The following TBC1D20 variants were observed in gnomAD, a reference collection of about 807,000 sequenced individuals.
The protein encoded by TBC1D20 is chromosome 20 open reading frame 140.
A neutral mutation model predicts 41.6 loss-of-function variants in TBC1D20; 12 were observed. That is an observed-to-expected ratio of 0.29 (90% confidence interval 0.18 to 0.47). The LOEUF is 0.47. Among genes scored for constraint, TBC1D20 ranks in the 20% least tolerant of loss-of-function variants. TBC1D20 has a pLI of 1.00. For synonymous variants in TBC1D20, 205 were observed against 204.8 expected (o/e 1.00, Z -0.01); for missense variants, 421 against 517.4 (o/e 0.81, Z 1.81).
intron 2 of TBC1D20, among the ~76,000 whole-genome samples, chr20:446,943 A>AGTTTTTTT (rs1491315984): frequency 4.0e-5 from 3 of 75,890 alleles, no homozygotes; most frequent in Non-Finnish European, 2.4e-5. Flanking sequence ...CAAAATACGC[A>AGTTTTTTT]TTTTTTTTTT....
rs200262445 is a variant in TBC1D20, at chr20:438,761, C to T, written c.1037G>A (p.Arg346Gln). The T allele has an allele frequency of 3.8e-5, 62 of 1,614,226 alleles. No individual in the cohort carries two copies. In the East Asian group the frequency reaches 6.0e-4, roughly 16 times the overall value. ...RPDMVLRQRF[R>Q]GLLRPEDRTK... ...TCGATCTTCAGGCCGCAGAAGTCCC[C>T]GAAACCGCTGCCGCAGCACCATATC... The change falls in exon 8 of 8, where the codon CGG (arginine) becomes CAG (glutamine). Residue 346 changes from arginine (R) to glutamine (Q), a missense_variant. Transcript: ENST00000354200.
intron 5 of TBC1D20, chr20:440,613 G>T: frequency 2.0e-6 from 1 of 499,990 alleles, no homozygotes; most frequent in Non-Finnish European, 3.4e-6. Context: ...TTATCTCACT[G>T]GGTGCTCGCC....
intron 1 of TBC1D20, among the ~76,000 whole-genome samples, chr20:460,680 G>A (rs1452926857): frequency 6.6e-6 from 1 of 152,150 alleles, no homozygotes; most frequent in Admixed American, 6.6e-5. Flanking sequence ...GAAAAAAACA[G>A]TCTAGTAAGT....
At chr20:461,917 G>A (rs990868330) in intron 1 of TBC1D20, among the ~76,000 whole-genome samples, 4 of 152,264 alleles carry the variant, frequency 2.6e-5, no homozygotes, top group African/African-American at 4.8e-5. Context: ...AATCAAGCCG[G>A]CGACGGTGAA....
At chr20:461,612 A>G (rs142180680) in intron 1 of TBC1D20, among the ~76,000 whole-genome samples, 216 of 152,184 alleles carry the variant, frequency 1.4e-3, no homozygotes, top group African/African-American at 4.9e-3. Flanking sequence ...TCCTCCAACC[A>G]TGGCCTCCCA....
At position 448,038 on chromosome 20, in the gene TBC1D20, ATC is replaced by A. The variant is rs2017369628; in HGVS notation, c.105_106del (p.Glu35AspfsTer8). The stretch of plus-strand genomic sequence containing the variant: ...GGGATCACTGTTCAGAGCCTGGTGT[ATC>A]TCTGCCACTTTCTTTTTCCTTTTGG... On this transcript the variant is annotated frameshift_variant, in exon 2 of 8. Transcript: ENST00000354200. LOFTEE classifies it high-confidence loss of function. 3.1e-6 allele frequency: 5 copies of A among 1,613,852 alleles called. No homozygotes were observed. The highest frequency in any genetic ancestry group is 4.2e-6 in the Non-Finnish European group (5 of 1,179,774).
intron 1 of TBC1D20, among the ~76,000 whole-genome samples, chr20:455,687 C>T (rs937293866): frequency 2.0e-5 from 3 of 151,284 alleles, no homozygotes; most frequent in South Asian, 4.2e-4. Flanking sequence ...AATCCCAGCA[C>T]TTTGGGAAGT....
At position 439,535 on chromosome 20, in the gene TBC1D20, A is replaced by G. The variant is rs1168088214; in HGVS notation, c.769-240T>C. On this transcript the variant is annotated intron_variant, in intron 6 of 7. Transcript: ENST00000354200. This position sits in a 1 kb window ranked among gnomAD's most constrained non-coding sequence, Gnocchi z 4.6. ...TGACATGAAAGGCTGACCAGTTACAATCTAAGTCCTTCGGGCATGCTGGGC... is the reference window on the plus strand; with the variant it reads ...TGACATGAAAGGCTGACCAGTTACAGTCTAAGTCCTTCGGGCATGCTGGGC... Among the ~76,000 whole-genome samples the G allele has an allele frequency of 6.6e-6, 1 of 152,212 alleles. No individual in the cohort carries two copies. Among genetic ancestry groups the G allele is most frequent in the African/African-American group, 2.4e-5 (1 of 41,462 alleles).
intron 1 of TBC1D20, among the ~76,000 whole-genome samples, chr20:453,884 T>A (rs2122417620): frequency 7.0e-6 from 1 of 143,246 alleles, no homozygotes; most frequent in East Asian, 2.2e-4. Context: ...GGTGGATGGA[T>A]CACTGAGGTC....
At chr20:440,534 A>G in intron 5 of TBC1D20, 145 bp from the exon 6 acceptor site, 3 of 1,022,300 alleles carry the variant, frequency 2.9e-6, no homozygotes, top group Non-Finnish European at 4.2e-6. Flanking sequence ...TCTTCTCCTT[A>G]CAAAATATTT....
At position 441,948 on chromosome 20, in the gene TBC1D20, C is replaced by T. The variant is rs1326944642; in HGVS notation, c.433G>A (p.Gly145Ser). ...ERNPQLHYYQGYHDIVVTFLL... is the reference protein window; with the variant it reads ...ERNPQLHYYQSYHDIVVTFLL... ...AATGTGACCACAATGTCATGGTAGC[C>T]CTGGTAGTAGTGCAGCTGAGGGTTG... Residue 145 changes from glycine to serine, a missense_variant, in exon 4 of 8, where the codon GGC becomes AGC. Physicochemically the swap from Gly to Ser is moderately conservative, Grantham distance 56. Coordinates refer to ENST00000354200, the MANE Select transcript of TBC1D20 (RefSeq NM_144628.4). 6.2e-7 allele frequency: 1 copy of T among 1,614,012 alleles called. No individual in the cohort carries two copies. Among genetic ancestry groups the T allele is most frequent in the Non-Finnish European group, 8.5e-7 (1 of 1,180,002 alleles).
rs1465545708 is a variant in TBC1D20 at position 439,406 on chromosome 20, A to G, written c.769-111T>C. On this transcript the variant is annotated intron_variant, in intron 6 of 7. Coordinates refer to ENST00000354200, the MANE Select transcript of TBC1D20 (RefSeq NM_144628.4). The surrounding 1 kb of genome is among the most constrained non-coding windows in gnomAD (Gnocchi z 4.6). ...TTTAAACTGGTAACAGACAGGACTC[A>G]GCCCAAATGTTGAGCAAACTCTTGT... 5.0e-6 allele frequency: 4 copies of G among 797,118 alleles called. No homozygotes were observed. Among genetic ancestry groups the G allele is most frequent in the Non-Finnish European group, 8.0e-6 (4 of 498,148 alleles). 49.4% of individuals were successfully genotyped at this position (797,118 alleles called of 1,614,324 possible).
In TBC1D20 at chr20:436,636, G is replaced by A. The variant is rs1237639168; in HGVS notation, c.*1950C>T. On this transcript the variant is annotated 3_prime_UTR_variant, in exon 8 of 8. Coordinates refer to ENST00000354200, the MANE Select transcript of TBC1D20 (RefSeq NM_144628.4). ...GCCGCCCACTGAGAGGATGACAAGA[G>A]GGCCAGCTTGCTTTGGGAGAGCACT... 6.5e-6 allele frequency: 1 copy of A among 153,732 alleles called. No individual in the cohort carries two copies. The highest frequency in any genetic ancestry group is 2.4e-5 in the African/African-American group (1 of 41,428). The allele number at this position is 153,732 out of a possible 1,614,324, so 9.5% of individuals were successfully genotyped here.
chr20:440,735 T>C (rs979627656), intron 5 of TBC1D20: 19 of 190,236 alleles, frequency 1.0e-4, no homozygotes, highest in Non-Finnish European at 1.1e-5. Context: ...CAGGTACATA[T>C]TCCCAAGCCT....
chr20:440,474 G>C, intron 5 of TBC1D20, 85 bp from the exon 6 acceptor site: 1 of 1,499,268 alleles, frequency 6.7e-7, no homozygotes, highest in South Asian at 1.3e-5. Context: ...TGAGAAGGAA[G>C]CATTTAGGAA....
intron 1 of TBC1D20, among the ~76,000 whole-genome samples, chr20:451,347 C>A (rs553339657): frequency 8.5e-5 from 13 of 152,222 alleles, no homozygotes; most frequent in African/African-American, 3.1e-4. Context: ...GAGTTCGAGA[C>A]CAGCCTGGCC....
At position 457,302 on chromosome 20, in the gene TBC1D20, TG is replaced by T. The variant is rs1371148593; in HGVS notation, c.70+5033del. On this transcript the variant is annotated intron_variant, in intron 1 of 7. Coordinates refer to ENST00000354200, the MANE Select transcript of TBC1D20 (RefSeq NM_144628.4). ...CTCTGTTGCCTTGGCTGGAGTGCAG[TG>T]GCACAATCATAGCTCACTGCAGCCT... Among the ~76,000 whole-genome samples, 6 of 152,138 alleles carry T rather than the reference TG, an allele frequency of 3.9e-5. No individual in the cohort carries two copies. In the East Asian group the frequency reaches 7.7e-4, roughly 20 times the overall value.
At chr20:449,212 G>A (rs1472600844) in intron 1 of TBC1D20, among the ~76,000 whole-genome samples, 1 of 119,182 alleles carries the variant, frequency 8.4e-6, no homozygotes, top group Non-Finnish European at 1.7e-5. Context: ...GAGTGCAGTG[G>A]CACGATCTCG....
At chr20:454,659 T>C (rs2017511334) in intron 1 of TBC1D20, among the ~76,000 whole-genome samples, 1 of 151,310 alleles carries the variant, frequency 6.6e-6, no homozygotes, top group African/African-American at 2.4e-5. Flanking sequence ...ACATTATTAT[T>C]ATTATTATTA....
Sources: gnomAD v4.1 joint callset for allele counts (sites outside exome capture counted in the v4.1 genomes callset) on GRCh38, gnomAD v4.1.1 for gene constraint, Gnocchi (gnomAD v3.1) non-coding constraint, MANE v1.5 for transcripts, NCBI Gene and HGNC (gene_info 2026-07-23, HGNC 2026-07-21) for gene names.